FGD3: variants seen among roughly 807,000 people sequenced by gnomAD.
The protein encoded by FGD3 is FYVE, RhoGEF and PH domain containing 3, also known as FYVE, RhoGEF and PH domain-containing protein 3.
Under a neutral mutation model 71.8 loss-of-function variants are expected in FGD3, and 45 were observed. The observed-to-expected ratio is 0.63, with a 90% CI of 0.49 to 0.80. FGD3 has a LOEUF of 0.80. Among genes scored for constraint, FGD3 ranks in the 30% least tolerant of loss-of-function variants. FGD3 has a pLI of 0.00. For synonymous variants in FGD3, 378 were observed against 392.8 expected, an observed-to-expected ratio of 0.96 and a Z score of 0.44; for missense variants, 844 against 951.5, an observed-to-expected ratio of 0.89 and a Z score of 1.49.
intron 3 of FGD3, among the ~76,000 whole-genome samples, chr9:92,984,418 G>A (rs1860113574): frequency 6.6e-6 from 1 of 152,148 alleles, no homozygotes; most frequent in Admixed American, 6.5e-5. Flanking sequence ...AGGAAGTTAT[G>A]GTTTATACTA....
At chr9:92,990,647 CA>C (rs1860370817) in intron 3 of FGD3, among the ~76,000 whole-genome samples, 1 of 152,212 alleles carries the variant, frequency 6.6e-6, no homozygotes, top group Non-Finnish European at 1.5e-5. Context: ...TGAATTTTAT[CA>C]AATGCTGTCT....
At chr9:93,023,937 G>A (rs1862027304) in intron 14 of FGD3, among the ~76,000 whole-genome samples, 2 of 151,920 alleles carry the variant, frequency 1.3e-5, no homozygotes, top group Admixed American at 1.3e-4. Flanking sequence ...CAGTAGCTGG[G>A]ACTACAGGCA....
chr9:93,034,743 C>A (rs923391814), intron 17 of FGD3, 62 bp downstream of exon 17: 4 of 1,546,198 alleles, frequency 2.6e-6, no homozygotes, highest in Non-Finnish European at 3.5e-6. Context: ...GCCTGAGGCA[C>A]CCACAGCAGG....
chr9:93,020,672 G>C (rs1467095409), intron 13 of FGD3: 2 of 471,246 alleles, frequency 4.2e-6, no homozygotes, highest in East Asian at 4.0e-5. Context: ...CCTGAGACCA[G>C]AATAGGTCCA....
At chr9:92,968,838 G>A (rs1231460932) in intron 1 of FGD3, among the ~76,000 whole-genome samples, 1 of 152,110 alleles carries the variant, frequency 6.6e-6, no homozygotes, top group Non-Finnish European at 1.5e-5. Flanking sequence ...CTGACCTCAG[G>A]TGGAGGTCTG....
chr9:93,023,861 G>A (rs1257549241), intron 14 of FGD3, among the ~76,000 whole-genome samples: 2 of 143,676 alleles, frequency 1.4e-5, no homozygotes, highest in African/African-American at 5.3e-5. Flanking sequence ...GAGTGCGGTG[G>A]CACAATCTCA....
chr9:93,024,989 C>G (rs1862066269), intron 14 of FGD3, among the ~76,000 whole-genome samples: 1 of 152,230 alleles, frequency 6.6e-6, no homozygotes, highest in Admixed American at 6.5e-5. Flanking sequence ...CGCTGCTGGC[C>G]ACACAGGCAA....
intron 6 of FGD3, among the ~76,000 whole-genome samples, chr9:93,008,762 G>A (rs1166022556): frequency 1.3e-5 from 2 of 152,160 alleles, no homozygotes; most frequent in African/African-American, 2.4e-5. Context: ...TCAGAAGTGC[G>A]AGACCAGTCT....
intron 3 of FGD3, among the ~76,000 whole-genome samples, chr9:92,986,358 G>A (rs1220990707): frequency 6.6e-6 from 1 of 152,216 alleles, no homozygotes; most frequent in Admixed American, 6.5e-5. Flanking sequence ...ACTGCCACAA[G>A]GGGGCTGACT....
chr9:92,952,792 A>G (rs1294152155), intron 1 of FGD3, among the ~76,000 whole-genome samples: 1 of 148,072 alleles, frequency 6.8e-6, no homozygotes, highest in Non-Finnish European at 1.5e-5. Flanking sequence ...CTTCTTTAGA[A>G]TAGTGCTGCT....
At chr9:93,034,517 T>G (rs1183733610) in intron 16 of FGD3, 24 bp from the exon 17 acceptor site, 1 of 1,599,470 alleles carries the variant, frequency 6.3e-7, no homozygotes, top group East Asian at 2.2e-5. Context: ...AGACTGCCCC[T>G]AACCTGTGTC....
chr9:92,956,321 T>C (rs1859049792), intron 1 of FGD3, among the ~76,000 whole-genome samples: 1 of 152,214 alleles, frequency 6.6e-6, no homozygotes, highest in South Asian at 2.1e-4. Flanking sequence ...CTTGCCTTGT[T>C]CTCACTTTGG....
At position 92,954,508 on chromosome 9, in the gene FGD3, G is replaced by A. The variant is rs192078814; in HGVS notation, c.-218+6779G>A. On this transcript the variant is annotated intron_variant, in intron 1 of 17. Coordinates refer to ENST00000375482, the MANE Select transcript of FGD3 (RefSeq NM_001083536.2). Reference sequence around the variant, plus strand: ...CTGTGCCCGTGTGGCCCAAGTGACTGGCTGTGACCCTAATAAGTGAGCAGA... The same window carrying A: ...CTGTGCCCGTGTGGCCCAAGTGACTAGCTGTGACCCTAATAAGTGAGCAGA... Among the ~76,000 whole-genome samples the A allele has an allele frequency of 3.9e-5, 6 of 152,330 alleles. No individual in the cohort carries two copies. The East Asian group carries it at 1.2e-3, about 29-fold the overall frequency.
At position 92,975,405 on chromosome 9, in the gene FGD3, G is replaced by A. The variant is rs1859699120; in HGVS notation, c.-50G>A. ...CTCCTCAGAAAGGCTGGTGGCATCA[G>A]GTATGGGGATAAGTGACCGCCACTT... On this transcript the variant is annotated splice_region_variant and 5_prime_UTR_variant, in exon 2 of 18. Transcript: ENST00000375482. The A allele has an allele frequency of 6.6e-6, 1 of 152,268 alleles. No homozygotes were observed. Among genetic ancestry groups the A allele is most frequent in the Non-Finnish European group, 1.5e-5 (1 of 68,110 alleles). The allele number at this position is 152,268 out of a possible 1,614,324, so 9.4% of individuals were successfully genotyped here.
intron 1 of FGD3, among the ~76,000 whole-genome samples, chr9:92,951,852 A>C (rs917431510): frequency 6.6e-6 from 1 of 152,142 alleles, no homozygotes; most frequent in Non-Finnish European, 1.5e-5. Flanking sequence ...ATAGGTGTAA[A>C]GTAGGCTTGG....
intron 6 of FGD3, 80 bp from the exon 7 acceptor site, chr9:93,010,166 G>A: frequency 6.6e-7 from 1 of 1,507,908 alleles, no homozygotes; most frequent in Admixed American, 2.0e-5. Flanking sequence ...GCTTCCTGGG[G>A]CTGTGGTGGC....
At chr9:93,008,646 A>G (rs567208928) in intron 6 of FGD3, among the ~76,000 whole-genome samples, 2 of 152,310 alleles carry the variant, frequency 1.3e-5, no homozygotes, top group East Asian at 3.9e-4. Context: ...AGGACTCTTC[A>G]GGTGAAGTTG....
intron 14 of FGD3, among the ~76,000 whole-genome samples, chr9:93,028,456 A>G (rs994808506): frequency 1.3e-5 from 2 of 152,062 alleles, no homozygotes; most frequent in East Asian, 1.9e-4. Flanking sequence ...AACTCGATAC[A>G]TATCTTTGCC....
intron 16 of FGD3, chr9:93,034,174 G>T: frequency 5.5e-6 from 1 of 183,066 alleles, no homozygotes; most frequent in Non-Finnish European, 1.1e-5. Flanking sequence ...GTGTGTGCAC[G>T]CACGTGCATG....
Sources: gnomAD v4.1 joint callset for allele counts (sites outside exome capture counted in the v4.1 genomes callset) on GRCh38, gnomAD v4.1.1 for gene constraint, MANE v1.5 for transcripts, NCBI Gene and HGNC (gene_info 2026-07-23, HGNC 2026-07-21) for gene names.